MAPK10: variants seen among roughly 807,000 people sequenced by gnomAD.
MAPK10 encodes the protein JNK3 alpha protein kinase.
MAPK10 carries 25 observed loss-of-function variants against 59.3 expected under a neutral mutation model. The observed-to-expected ratio is 0.42, with a 90% confidence interval of 0.31 to 0.59. The LOEUF is 0.59. Among genes scored for constraint, MAPK10 ranks in the 20% least tolerant of loss-of-function variants. The pLI, the probability that MAPK10 is intolerant of heterozygous loss-of-function variation, is 0.15. For missense variants in MAPK10, 351 were observed against 568.9 expected (o/e 0.62, Z 3.90); for synonymous variants, 190 against 200.5 (o/e 0.95, Z 0.44).
chr4:86,444,694 T>C (rs998519545), intron 1 of MAPK10, among the ~76,000 whole-genome samples: 6 of 150,334 alleles, frequency 4.0e-5, no homozygotes, highest in Non-Finnish European at 7.4e-5. Context: ...ATCCAGAATC[T>C]ACAGGGGACT....
intron 1 of MAPK10, among the ~76,000 whole-genome samples, chr4:86,514,544 CT>C (rs1244747329): frequency 1.3e-5 from 2 of 152,104 alleles, no homozygotes; most frequent in African/African-American, 4.8e-5. Context: ...CAATAGTGTA[CT>C]TAAAACACTC....
intron 1 of MAPK10, among the ~76,000 whole-genome samples, chr4:86,445,222 T>G (rs1229593975): frequency 6.6e-6 from 1 of 152,282 alleles, no homozygotes; most frequent in East Asian, 1.9e-4. Flanking sequence ...ATATACACCA[T>G]GGAATACTAT....
At chr4:86,468,881 A>T (rs1752430025) in intron 1 of MAPK10, among the ~76,000 whole-genome samples, 1 of 151,866 alleles carries the variant, frequency 6.6e-6, no homozygotes, top group African/African-American at 2.4e-5. Context: ...AAAGAAGGAA[A>T]ATAACAAAGC....
intron 2 of MAPK10, among the ~76,000 whole-genome samples, chr4:86,350,340 A>G (rs1375803216): frequency 4.6e-5 from 7 of 151,964 alleles, no homozygotes; most frequent in Middle Eastern, 3.4e-3. Flanking sequence ...TCAGCCTCTC[A>G]AGTAGCTGGG....
At chr4:86,159,213 G>T in intron 4 of MAPK10, 85 bp downstream of exon 4, 1 of 1,038,714 alleles carries the variant, frequency 9.6e-7, no homozygotes, top group Non-Finnish European at 1.3e-6. Flanking sequence ...ATTTATTTTG[G>T]GGATTTTGTT....
intron 2 of MAPK10, among the ~76,000 whole-genome samples, chr4:86,293,503 C>T (rs987900792): frequency 6.6e-6 from 1 of 152,146 alleles, no homozygotes; most frequent in African/African-American, 2.4e-5. Flanking sequence ...TTCACCTCTG[C>T]ACTAGGAAGG....
At chr4:86,070,156 T>C (rs1428635571) in intron 9 of MAPK10, among the ~76,000 whole-genome samples, 1 of 152,208 alleles carries the variant, frequency 6.6e-6, no homozygotes, top group Non-Finnish European at 1.5e-5. Context: ...TAAATGTTCA[T>C]ACTGCAAATC....
chr4:86,031,206 G>A (rs552154107), intron 12 of MAPK10, among the ~76,000 whole-genome samples, 162 bp downstream of exon 12: 18 of 152,194 alleles, frequency 1.2e-4, no homozygotes, highest in South Asian at 4.2e-4. Flanking sequence ...CATTGCTTTC[G>A]GCATGAAAAG....
At chr4:86,467,627 C>T (rs1348660234) in intron 1 of MAPK10, among the ~76,000 whole-genome samples, 1 of 152,188 alleles carries the variant, frequency 6.6e-6, no homozygotes, top group African/African-American at 2.4e-5. Flanking sequence ...TCAAGCGATT[C>T]TCCTGCCTCA....
rs150017577 is a variant in MAPK10, at chr4:86,329,086, G to A, written c.-7+25444C>T. On this transcript the variant is annotated intron_variant, in intron 2 of 13. Coordinates refer to ENST00000641462, the MANE Select transcript of MAPK10 (RefSeq NM_138982.4). ...CTTGCCCTTCTACCTTCTATGTGAGGACTCAGCAAGAAGGCCCTCACCAGA... is the reference window on the plus strand; with the variant it reads ...CTTGCCCTTCTACCTTCTATGTGAGAACTCAGCAAGAAGGCCCTCACCAGA... Among the ~76,000 whole-genome samples the A allele has an allele frequency of 5.1e-3, 772 of 152,218 alleles. 6 individuals are homozygous for A. The highest frequency in any genetic ancestry group is 0.018 in the African/African-American group (733 of 41,534).
At position 86,125,189 on chromosome 4, in the gene MAPK10, A is replaced by G. The variant is rs368817928; in HGVS notation, c.237-17837T>C. ...TTAAATGTGTCAATATTTCAAATTT[A>G]TTAACCATAACAAGCAATTTTGAAG... On this transcript the variant is annotated intron_variant, in intron 4 of 13. Transcript: ENST00000641462. 6 of 152,002 alleles carry G rather than the reference A, an allele frequency of 3.9e-5. No homozygotes were observed. In the East Asian group the frequency reaches 7.7e-4, roughly 20 times the overall value. The allele number at this position is 152,002 out of a possible 1,614,324, so 9.4% of individuals were successfully genotyped here.
At chr4:86,439,737 ATATTCT>A (rs1259793108) in intron 1 of MAPK10, among the ~76,000 whole-genome samples, 1 of 152,136 alleles carries the variant, frequency 6.6e-6, no homozygotes, top group African/African-American at 2.4e-5. Flanking sequence ...TAGTTGTTAC[ATATTCT>A]TATTATTACT....
chr4:86,531,596 G>C (rs918061713), intron 1 of MAPK10, among the ~76,000 whole-genome samples: 4 of 152,182 alleles, frequency 2.6e-5, no homozygotes, highest in African/African-American at 9.6e-5. Flanking sequence ...ACTTGAGGTA[G>C]ATTGGAGGGG....
intron 11 of MAPK10, among the ~76,000 whole-genome samples, chr4:86,056,052 C>G (rs771459152): frequency 6.7e-6 from 1 of 149,942 alleles, no homozygotes; most frequent in Non-Finnish European, 1.5e-5. Context: ...TGAGGACATG[C>G]CCTAACCTTT....
intron 2 of MAPK10, among the ~76,000 whole-genome samples, chr4:86,228,240 A>G (rs1383542236): frequency 2.6e-5 from 4 of 152,176 alleles, no homozygotes; most frequent in Non-Finnish European, 4.4e-5. Flanking sequence ...GGTTAGGAGC[A>G]TGGGCTCTGC....
chr4:86,367,664 T>G (rs950146286), intron 1 of MAPK10, among the ~76,000 whole-genome samples: 4 of 151,548 alleles, frequency 2.6e-5, no homozygotes, highest in Non-Finnish European at 4.4e-5. Flanking sequence ...TTTTTTTTTG[T>G]TTTGTTTTGT....
intron 9 of MAPK10, among the ~76,000 whole-genome samples, chr4:86,085,478 A>C (rs748177892): frequency 6.6e-6 from 1 of 152,196 alleles, no homozygotes; most frequent in Non-Finnish European, 1.5e-5. Flanking sequence ...TGCAAATAAC[A>C]AACAGGCATA....
chr4:86,372,046 C>T (rs1578952735), intron 1 of MAPK10, among the ~76,000 whole-genome samples: 1 of 152,164 alleles, frequency 6.6e-6, no homozygotes, highest in Non-Finnish European at 1.5e-5. Context: ...TAGACATCTA[C>T]AGAACTCTCC....
intron 2 of MAPK10, among the ~76,000 whole-genome samples, chr4:86,209,673 C>A (rs2085239897): frequency 1.3e-5 from 2 of 151,968 alleles, no homozygotes. Flanking sequence ...TTGGAGGAAT[C>A]AATACTGTTA....
Sources: allele counts gnomAD v4.1 joint callset (sites outside exome capture counted in the v4.1 genomes callset), GRCh38; gene constraint gnomAD v4.1.1; transcripts MANE v1.5; gene names NCBI Gene and HGNC (gene_info 2026-07-23, HGNC 2026-07-21).